Variants in GTPBP3 observed in about 807,000 individuals in gnomAD.
GTPBP3 encodes 5-taurinomethyluridine-[tRNA] synthase subunit GTPB3, mitochondrial.
Under a neutral mutation model 42.0 loss-of-function variants are expected in GTPBP3, and 35 were observed. The observed-to-expected ratio is 0.83, with a 90% CI of 0.64 to 1.10. GTPBP3 has a LOEUF of 1.10. Ranked by LOEUF, GTPBP3 falls within the 50% of genes least tolerant of loss-of-function variation. GTPBP3 has a pLI of 0.00. For missense variants in GTPBP3, 691 were observed against 685.2 expected, an observed-to-expected ratio of 1.01 and a Z score of -0.09; for synonymous variants, 332 against 314.9, an observed-to-expected ratio of 1.05 and a Z score of -0.58.
Position 17,342,014 on chromosome 19 carries a change from TA to T in GTPBP3, c.*319del, listed in dbSNP as rs899219582. The T allele has an allele frequency of 7.2e-6, 2 of 279,634 alleles. No individual in the cohort carries two copies. The highest frequency in any genetic ancestry group is 6.0e-5 in the East Asian group (1 of 16,578). The allele number at this position is 279,634 out of a possible 1,614,324, so 17.3% of individuals were successfully genotyped here. ...TTATTTTGCAAATACCAAAGGAATG[TA>T]AAAAAAACTCAGGTGATCTAGAAGT... On this transcript the variant is annotated 3_prime_UTR_variant, in exon 9 of 9. Transcript: ENST00000324894.
chr19:17,339,277 G>C lies in GTPBP3; in HGVS notation c.808+11G>C. 6.3e-7 allele frequency: 1 copy of C among 1,593,518 alleles called. No homozygotes were observed. On this transcript the variant is annotated intron_variant, in intron 6 of 8. Coordinates refer to ENST00000324894, the MANE Select transcript of GTPBP3 (RefSeq NM_032620.4). Reference sequence around the variant, plus strand: ...TAGTGAACCTGCTCAGTGAGTAGGCGGCGGGAAGGGGGCGGGGCCTAGTGC... The same window carrying C: ...TAGTGAACCTGCTCAGTGAGTAGGCCGCGGGAAGGGGGCGGGGCCTAGTGC...
At chr19:17,335,329 G>A (rs2074357789), upstream of GTPBP3, among the ~76,000 whole-genome samples, 1 of 152,180 alleles carries the variant, frequency 6.6e-6, no homozygotes, top group Admixed American at 6.5e-5. Context: ...ATGTAACCTC[G>A]GAGAGGATCC....
At chr19:17,339,678 T>C in intron 7 of GTPBP3, 79 bp downstream of exon 7, 1 of 1,404,030 alleles carries the variant, frequency 7.1e-7, no homozygotes, top group Non-Finnish European at 9.5e-7. Context: ...TTATTTTTCA[T>C]TCTTCCTGAA....
intron 7 of GTPBP3, 81 bp downstream of exon 7, chr19:17,339,680 C>T (rs1372113835): frequency 1.5e-6 from 2 of 1,376,064 alleles, no homozygotes; most frequent in East Asian, 5.0e-5. Flanking sequence ...ATTTTTCATT[C>T]TTCCTGAATC....
At chr19:17,336,581 C>T (rs1182148529), upstream of GTPBP3, 1 of 152,190 alleles carries the variant, frequency 6.6e-6, no homozygotes, top group Admixed American at 6.5e-5. Flanking sequence ...GAACTCTATT[C>T]TGTCAGACAG....
At chr19:17,335,018 A>C (rs1425215541), upstream of GTPBP3, 1 of 1,535,694 alleles carries the variant, frequency 6.5e-7, no homozygotes, top group Non-Finnish European at 8.7e-7. Flanking sequence ...TGCATTCTCC[A>C]ACTTGTCCCC....
In GTPBP3 at chr19:17,339,016, C is replaced by G; in HGVS notation, c.654C>G (p.Val218=). Reference sequence around the variant, plus strand: ...AGGATGACAACCTGGAGGAGGGGGTCCTGGAGCAAGGTGGGTCTACCTGGT... The same window carrying G: ...AGGATGACAACCTGGAGGAGGGGGTGCTGGAGCAAGGTGGGTCTACCTGGT... The part of the protein sequence containing the change: ...FGEDDNLEEG[V]LEQADIEVRA... Residue 218 remains valine, a synonymous_variant, in exon 5 of 9, where the codon GTC becomes GTG. Transcript: ENST00000324894. 1 of 1,614,068 alleles carries G rather than the reference C, an allele frequency of 6.2e-7. No homozygotes were observed. The highest frequency in any genetic ancestry group is 8.5e-7 in the Non-Finnish European group (1 of 1,179,954).
At chr19:17,335,101 CTGTT>C, upstream of GTPBP3, 1 of 1,535,896 alleles carries the variant, frequency 6.5e-7, no homozygotes, top group Non-Finnish European at 8.7e-7. Flanking sequence ...CCTGGAGACG[CTGTT>C]TGGAATGTGA....
chr19:17,335,177 G>T, upstream of GTPBP3: 1 of 1,533,658 alleles, frequency 6.5e-7, no homozygotes, highest in South Asian at 1.2e-5. Context: ...GAAGATTCCT[G>T]GTGACAATAA....
At chr19:17,339,302 C>A in intron 6 of GTPBP3, 36 bp downstream of exon 6, 1 of 1,583,910 alleles carries the variant, frequency 6.3e-7, no homozygotes, top group Non-Finnish European at 8.6e-7. Context: ...GGGCCTAGTG[C>A]CAGGGGCGGG....
At position 17,341,613 on chromosome 19, in the gene GTPBP3, G is replaced by A. The variant is rs1167934453; in HGVS notation, c.1389G>A (p.Val463=). 6.2e-7 allele frequency: 1 copy of A among 1,613,700 alleles called. No homozygotes were observed. The highest frequency in any genetic ancestry group is 1.1e-5 in the South Asian group (1 of 91,076). ...CCCTGGCGGCAGAGGCGCTGCGGGT[G>A]GCCCGGGGTCACCTGACCCGGCTCA... ...DLALAAEALR[V]ARGHLTRLTG... is the part of the protein sequence containing the mutation. The change falls in exon 9 of 9, where the codon GTG becomes GTA. Residue 463 remains valine (V), a synonymous_variant. Transcript: ENST00000324894.
At position 17,341,058 on chromosome 19, in the gene GTPBP3, ACCT is replaced by A; in HGVS notation, c.991_993del (p.Leu331del). 1.9e-6 allele frequency: 3 copies of A among 1,613,382 alleles called. No homozygotes were observed. Among genetic ancestry groups the A allele is most frequent in the South Asian group, 2.2e-5 (2 of 91,062 alleles). On this transcript the variant is annotated inframe_deletion, in exon 8 of 9. Transcript: ENST00000324894. ...TGCTCCCGCAGGCTAGAGCAGGCTGACCTCATTCTGGCCATGCTGGATGCTTCT... is the reference window on the plus strand; with the variant it reads ...TGCTCCCGCAGGCTAGAGCAGGCTGACATTCTGGCCATGCTGGATGCTTCT...
At position 17,341,587 on chromosome 19, in the gene GTPBP3, G is replaced by T. The variant is rs373956578; in HGVS notation, c.1363G>T (p.Ala455Ser). 6.2e-7 allele frequency: 1 copy of T among 1,613,930 alleles called. No homozygotes were observed. The highest frequency in any genetic ancestry group is 8.5e-7 in the Non-Finnish European group (1 of 1,179,980). ...LGHYKQSKDL[A>S]LAAEALRVAR... is the part of the protein sequence containing the mutation. The stretch of plus-strand genomic sequence containing the variant: ...CCACTACAAGCAGTCAAAAGACCTG[G>T]CCCTGGCGGCAGAGGCGCTGCGGGT... Residue 455 changes from alanine (A) to serine (S), a missense_variant, in exon 9 of 9, where the codon GCC becomes TCC. Coordinates refer to ENST00000324894, the MANE Select transcript of GTPBP3 (RefSeq NM_032620.4).
At position 17,337,584 on chromosome 19, in the gene GTPBP3, G is replaced by A; in HGVS notation, c.-28G>A. On this transcript the variant is annotated 5_prime_UTR_variant, in exon 1 of 9. Transcript: ENST00000324894. ...AGACTTGAAGCCACACAGGCAGGTC[G>A]GGCAGGCGGGTCGCAGGTTGTAAAT... 1.5e-6 allele frequency: 2 copies of A among 1,310,726 alleles called. No homozygotes were observed. Among genetic ancestry groups the A allele is most frequent in the Non-Finnish European group, 2.0e-6 (2 of 1,023,744 alleles). The allele number at this position is 1,310,726 out of a possible 1,614,324, so 81.2% of individuals were successfully genotyped here. A position where few individuals can be genotyped will look rare whatever the true frequency, so the allele number is the denominator to read the frequency against.
upstream of GTPBP3, among the ~76,000 whole-genome samples, chr19:17,336,042 C>A (rs533736707): frequency 6.6e-6 from 1 of 152,068 alleles, no homozygotes; most frequent in Admixed American, 6.5e-5. Flanking sequence ...CGAGACCAGC[C>A]TGACCAACAT....
In GTPBP3 at chr19:17,338,115, G is replaced by A; in HGVS notation, c.161G>A (p.Ser54Asn). Residue 54 changes from serine to asparagine, a missense_variant, in exon 2 of 9, where the codon AGC becomes AAC. Transcript: ENST00000324894. ...GRCGIAVIRTSGPASGHALRI... is the reference protein window; with the variant it reads ...GRCGIAVIRTNGPASGHALRI... ...TGCGGCATCGCAGTGATCCGGACCA[G>A]CGGCCCCGCCAGCGGCCACGCCCTC... The A allele has an allele frequency of 6.3e-7, 1 of 1,588,166 alleles. No homozygotes were observed. Among genetic ancestry groups the A allele is most frequent in the African/African-American group, 1.3e-5 (1 of 74,438 alleles).
rs762246790 is a variant in GTPBP3, at chr19:17,339,471, G to A, written c.846G>A (p.Gly282=). The A allele has an allele frequency of 2.5e-6, 4 of 1,613,836 alleles. No individual in the cohort carries two copies. The highest frequency in any genetic ancestry group is 1.6e-4 in the Middle Eastern group (1 of 6,084). Residue 282 remains glycine, a synonymous_variant, in exon 7 of 9, where the codon GGG becomes GGA. Transcript: ENST00000324894. ...TGTCCATCGTGTCCCCGGAGCCAGG[G>A]ACCACCCGTGACGTGCTGGAGACCC... ...KPVSIVSPEP[G]TTRDVLETPV... is the part of the protein sequence containing the mutation.
At chr19:17,335,525 C>T (rs1021635427), upstream of GTPBP3, among the ~76,000 whole-genome samples, 1 of 152,152 alleles carries the variant, frequency 6.6e-6, no homozygotes, top group East Asian at 1.9e-4. Context: ...ACACCCACTG[C>T]ACTGCATCCT....
In GTPBP3 at chr19:17,341,545, T is replaced by A; in HGVS notation, c.1321T>A (p.Cys441Ser). The A allele has an allele frequency of 1.2e-6, 2 of 1,613,840 alleles. No individual in the cohort carries two copies. Among genetic ancestry groups the A allele is most frequent in the Non-Finnish European group, 1.7e-6 (2 of 1,179,986 alleles). The change falls in exon 9 of 9, where the codon TGC becomes AGC. Residue 441 changes from cysteine to serine, a missense_variant. Physicochemically the swap from Cys to Ser is moderately radical, Grantham distance 112. Transcript: ENST00000324894. Reference protein sequence around the residue: ...RARHQHHLQGCLDALGHYKQS... With the variant: ...RARHQHHLQGSLDALGHYKQS... ...AAGGCACCAGCACCACCTCCAGGGT[T>A]GCCTGGATGCCCTCGGCCACTACAA... is the stretch of plus-strand genomic sequence containing the variant.
Sources: allele counts gnomAD v4.1 joint callset (sites outside exome capture counted in the v4.1 genomes callset), GRCh38; gene constraint gnomAD v4.1.1; transcripts MANE v1.5; gene names NCBI Gene and HGNC (gene_info 2026-07-23, HGNC 2026-07-21).